Variants in SYNDIG1 observed in about 807,000 individuals in gnomAD.
The protein encoded by SYNDIG1 is synapse differentiation inducing 1.
Under a neutral mutation model 19.4 loss-of-function variants are expected in SYNDIG1, and 9 were observed. The observed-to-expected ratio is 0.46, with a 90% CI of 0.28 to 0.81. The LOEUF is 0.81. SYNDIG1 is among the 30% of genes least tolerant of loss of function. The pLI is 0.12. For missense variants in SYNDIG1, 311 were observed against 343.3 expected, an observed-to-expected ratio of 0.91 and a Z score of 0.74; for synonymous variants, 141 against 145.9, an observed-to-expected ratio of 0.97 and a Z score of 0.24.
intron 2 of SYNDIG1, among the ~76,000 whole-genome samples, chr20:24,544,003 C>A (rs539259103): frequency 2.0e-5 from 3 of 152,158 alleles, no homozygotes; most frequent in African/African-American, 2.4e-5. Flanking sequence ...ACCTGTGGTT[C>A]CTTGACTTTG....
chr20:24,556,192 C>T (rs1388666306), intron 2 of SYNDIG1, among the ~76,000 whole-genome samples: 4 of 152,080 alleles, frequency 2.6e-5, no homozygotes, highest in Admixed American at 6.6e-5. Context: ...TTTGAGCCTA[C>T]TTGTGTCTCT....
intron 3 of SYNDIG1, among the ~76,000 whole-genome samples, chr20:24,601,068 C>T (rs563018944): frequency 2.0e-5 from 3 of 152,154 alleles, no homozygotes; most frequent in South Asian, 4.2e-4. Flanking sequence ...TTGGATTTAC[C>T]GAAAGCTTTT....
intron 2 of SYNDIG1, among the ~76,000 whole-genome samples, chr20:24,569,930 G>A (rs145633040): frequency 1.1e-4 from 17 of 152,310 alleles, no homozygotes; most frequent in African/African-American, 3.8e-4. Context: ...TCTTTTAAGT[G>A]TTCTGTCTGT....
chr20:24,503,955 G>A (rs78161031), intron 1 of SYNDIG1, among the ~76,000 whole-genome samples: 1 of 140,378 alleles, frequency 7.1e-6, no homozygotes, highest in South Asian at 2.1e-4. Context: ...AGGGAGAGCA[G>A]GTTTTTTTTT....
At chr20:24,529,270 G>T (rs1025432039) in intron 1 of SYNDIG1, among the ~76,000 whole-genome samples, 1 of 152,156 alleles carries the variant, frequency 6.6e-6, no homozygotes, top group Admixed American at 6.5e-5. Flanking sequence ...TGGTACTGGT[G>T]ACATTACTTG....
chr20:24,555,373 T>G (rs1255735841), intron 2 of SYNDIG1, among the ~76,000 whole-genome samples: 8 of 152,340 alleles, frequency 5.3e-5, no homozygotes, highest in Non-Finnish European at 1.0e-4. Flanking sequence ...CTCTTGCTTT[T>G]CTAGTTCTTT....
At chr20:24,634,076 A>C (rs575287324) in intron 3 of SYNDIG1, among the ~76,000 whole-genome samples, 8 of 152,330 alleles carry the variant, frequency 5.3e-5, no homozygotes, top group Admixed American at 5.2e-4. Context: ...ATGGAGAAAG[A>C]AAGCATGAAA....
intron 1 of SYNDIG1, among the ~76,000 whole-genome samples, chr20:24,534,645 C>T (rs956206084): frequency 1.3e-5 from 2 of 152,188 alleles, no homozygotes; most frequent in Non-Finnish European, 2.9e-5. Context: ...ACTGGTTACA[C>T]GTTGGCGCTC....
chr20:24,495,022 C>T (rs755062090), intron 1 of SYNDIG1, among the ~76,000 whole-genome samples: 3 of 152,218 alleles, frequency 2.0e-5, no homozygotes, highest in Non-Finnish European at 4.4e-5. Flanking sequence ...AACTCAGTTA[C>T]AAGAACAGTC....
chr20:24,616,815 G>A (rs2058942125), intron 3 of SYNDIG1, among the ~76,000 whole-genome samples: 1 of 152,212 alleles, frequency 6.6e-6, no homozygotes, highest in South Asian at 2.1e-4. Context: ...TCCTCATAAG[G>A]TATGCACTTC....
intron 3 of SYNDIG1, among the ~76,000 whole-genome samples, chr20:24,664,670 A>G (rs2059631911): frequency 6.6e-6 from 1 of 152,204 alleles, no homozygotes; most frequent in Non-Finnish European, 1.5e-5. Context: ...ACTCAGGAAT[A>G]TAGGTGTTAG....
intron 3 of SYNDIG1, among the ~76,000 whole-genome samples, chr20:24,623,031 T>C (rs1482455338): frequency 6.6e-6 from 1 of 152,152 alleles, no homozygotes; most frequent in African/African-American, 2.4e-5. Flanking sequence ...TACTGCAGAC[T>C]TCTCATCAGA....
intron 2 of SYNDIG1, among the ~76,000 whole-genome samples, chr20:24,559,893 A>G (rs182159212): frequency 6.6e-6 from 1 of 151,216 alleles, no homozygotes; most frequent in East Asian, 1.9e-4. Flanking sequence ...TCTTGCTTTC[A>G]AAGTTTTCTC....
At chr20:24,662,473 A>G (rs2059613241) in intron 3 of SYNDIG1, among the ~76,000 whole-genome samples, 2 of 152,192 alleles carry the variant, frequency 1.3e-5, no homozygotes, top group South Asian at 4.2e-4. Context: ...CTTGGGGGCT[A>G]CGTCTGATGC....
At chr20:24,610,931 G>A (rs1443464240) in intron 3 of SYNDIG1, among the ~76,000 whole-genome samples, 1 of 152,174 alleles carries the variant, frequency 6.6e-6, no homozygotes, top group Non-Finnish European at 1.5e-5. Flanking sequence ...GCAATGACAG[G>A]AAATGAGTTG....
At chr20:24,550,905 C>CT (rs2057694701) in intron 2 of SYNDIG1, among the ~76,000 whole-genome samples, 1 of 152,170 alleles carries the variant, frequency 6.6e-6, no homozygotes, top group South Asian at 2.1e-4. Context: ...GTCACTGGAT[C>CT]TTTTCTAATC....
At chr20:24,527,511 TTC>T (rs1276838754) in intron 1 of SYNDIG1, among the ~76,000 whole-genome samples, 5 of 117,940 alleles carry the variant, frequency 4.2e-5, no homozygotes, top group African/African-American at 1.8e-4. Flanking sequence ...CTCTTCTCTT[TTC>T]TTTTTTTTTC....
chr20:24,542,344 C>T (rs903599125), intron 1 of SYNDIG1, among the ~76,000 whole-genome samples: 1 of 152,228 alleles, frequency 6.6e-6, no homozygotes, highest in African/African-American at 2.4e-5. Context: ...TGTGCAGACT[C>T]ATCAGCTGGG....
chr20:24,661,344 AG>A (rs1568722911), intron 3 of SYNDIG1, among the ~76,000 whole-genome samples: 1 of 112,526 alleles, frequency 8.9e-6, no homozygotes, highest in Non-Finnish European at 1.9e-5. Flanking sequence ...GGGAGGAAGG[AG>A]GGAGAGAGGA....
Sources: allele counts gnomAD v4.1 joint callset (sites outside exome capture counted in the v4.1 genomes callset), GRCh38; gene constraint gnomAD v4.1.1; transcripts MANE v1.5; gene names NCBI Gene and HGNC (gene_info 2026-07-23, HGNC 2026-07-21).